Variants in KIF21A observed in about 807,000 individuals in gnomAD.
KIF21A encodes the protein kinesin-like protein KIF21A.
Under a neutral mutation model 202.9 loss-of-function variants are expected in KIF21A, and 114 were observed. The ratio of observed to expected loss-of-function variants is 0.56; its 90% CI spans 0.48 to 0.66. KIF21A has a LOEUF of 0.66. Among genes scored for constraint, KIF21A ranks in the 30% least tolerant of loss-of-function variants. The probability of loss-of-function intolerance (pLI) is 0.00; values close to 1 mark genes in which losing one functional copy is unlikely to be tolerated. For synonymous variants in KIF21A, 667 were observed against 670.8 expected, an observed-to-expected ratio of 0.99 and a Z score of 0.09; for missense variants, 1,677 against 1,994.9, an observed-to-expected ratio of 0.84 and a Z score of 3.04.
chr12:39,295,887 T>C (rs563969901), intron 37 of KIF21A, among the ~76,000 whole-genome samples: 1 of 151,328 alleles, frequency 6.6e-6, no homozygotes, highest in South Asian at 2.1e-4. Context: ...GCGTTTTTAG[T>C]AGAGATGGGG....
intron 16 of KIF21A, among the ~76,000 whole-genome samples, chr12:39,339,112 C>T (rs1947228702): frequency 6.6e-6 from 1 of 151,800 alleles, no homozygotes; most frequent in Non-Finnish European, 1.5e-5. Flanking sequence ...AACCCTGTCT[C>T]CACTAAAAAT....
At chr12:39,321,772 G>A (rs950130968) in intron 27 of KIF21A, 3 of 152,014 alleles carry the variant, frequency 2.0e-5, no homozygotes, top group Admixed American at 6.6e-5. Flanking sequence ...TGCCACTTTT[G>A]GGGGGGCAAT....
chr12:39,318,267 A>C lies in KIF21A; in HGVS notation c.3780-66T>G, dbSNP rs551798806. The C allele has an allele frequency of 3.4e-6, 5 of 1,486,060 alleles. No individual in the cohort carries two copies. In the African/African-American group the frequency reaches 4.2e-5, roughly 12 times the overall value. 92.1% of individuals were successfully genotyped at this position (1,486,060 alleles called of 1,614,324 possible). ...GTTATGATTTGTTAGAAAAGTTATA[A>C]GAAACATGCTCTTTTAAAAAAAAGC... On this transcript the variant is annotated intron_variant, in intron 28 of 37. Transcript: ENST00000361418.
At chr12:39,368,558 C>T (rs1483254929) in intron 3 of KIF21A, among the ~76,000 whole-genome samples, 1 of 152,068 alleles carries the variant, frequency 6.6e-6, no homozygotes, top group African/African-American at 2.4e-5. Context: ...AATATACACA[C>T]CTATTTTTCT....
chr12:39,306,305 C>T (rs1024011809), intron 34 of KIF21A, among the ~76,000 whole-genome samples: 1 of 152,170 alleles, frequency 6.6e-6, no homozygotes, highest in African/African-American at 2.4e-5. Flanking sequence ...GGTATCTTTT[C>T]TGCCTTGTGT....
chr12:39,326,789 C>G (rs1945974317), intron 24 of KIF21A, among the ~76,000 whole-genome samples: 1 of 152,148 alleles, frequency 6.6e-6, no homozygotes, highest in Non-Finnish European at 1.5e-5. Context: ...GAATATTTTT[C>G]CTTTTTTAAT....
chr12:39,324,309 G>A (rs1172616341), intron 26 of KIF21A, among the ~76,000 whole-genome samples: 1 of 152,124 alleles, frequency 6.6e-6, no homozygotes, highest in Non-Finnish European at 1.5e-5. Context: ...GTTCTTTCAG[G>A]AGATGACCTT....
chr12:39,400,483 A>G (rs1456153971), intron 1 of KIF21A, among the ~76,000 whole-genome samples: 1 of 150,786 alleles, frequency 6.6e-6, no homozygotes, highest in Non-Finnish European at 1.5e-5. Context: ...GTTCCCCTCC[A>G]TGTATCCATT....
In KIF21A at chr12:39,421,726, T is replaced by TAG. The variant is rs1480376765; in HGVS notation, c.44+21200_44+21201insCT. ...TAAATAAATAAATATATATAATTTA[T>TAG]ATATATATATATATATACACATACA... On this transcript the variant is annotated intron_variant, in intron 1 of 37. Transcript: ENST00000361418. Among the ~76,000 whole-genome samples, 293 of 111,072 alleles carry TAG rather than the reference T, an allele frequency of 2.6e-3. 4 individuals carry two copies. The highest frequency in any genetic ancestry group is 8.2e-3 in the African/African-American group (281 of 34,222). The allele number at this position is 111,072 out of a possible 152,430, so 72.9% of individuals were successfully genotyped here. A position where few individuals can be genotyped will look rare whatever the true frequency, so the allele number is the denominator to read the frequency against.
In KIF21A at chr12:39,307,697, C is replaced by G. The variant is rs200589960; in HGVS notation, c.4310G>C (p.Cys1437Ser). 43 of 1,613,934 alleles carry G rather than the reference C, an allele frequency of 2.7e-5. No homozygotes were observed. The highest frequency in any genetic ancestry group is 3.6e-5 in the Non-Finnish European group (43 of 1,179,970). The change falls in exon 34 of 38, where the codon TGT becomes TCT. Residue 1437 changes from cysteine to serine, a missense_variant. Physicochemically the swap from Cys to Ser is moderately radical, Grantham distance 112. Around this residue, in one of 3 missense-constraint regions of KIF21A, gnomAD observed 705 missense variants for 791.9 expected, o/e 0.89. Coordinates refer to ENST00000361418, the MANE Select transcript of KIF21A (RefSeq NM_001173464.2). ...SSGQVTLGDA[C>S]SASTSRTVAI... The stretch of plus-strand genomic sequence containing the variant: ...TACTGTTCGACTGGTACTTGCAGAA[C>G]AAGCATCTCCAAGAGTAACTTGACC...
intron 1 of KIF21A, among the ~76,000 whole-genome samples, chr12:39,399,050 C>T (rs895684105): frequency 6.6e-6 from 1 of 151,896 alleles, no homozygotes; most frequent in African/African-American, 2.4e-5. Flanking sequence ...ACAGAGAAAC[C>T]CCATCTCTAC....
At chr12:39,436,422 TTATATA>T (rs1199818833) in intron 1 of KIF21A, among the ~76,000 whole-genome samples, 1,402 of 99,110 alleles carry the variant, frequency 0.014, 57 homozygotes, top group Non-Finnish European at 0.021. Context: ...GTTTACTATA[TTATATA>T]TATATATATA....
At chr12:39,409,835 C>CT (rs755068673) in intron 1 of KIF21A, among the ~76,000 whole-genome samples, 322 of 134,798 alleles carry the variant, frequency 2.4e-3, no homozygotes, top group South Asian at 8.8e-3. Context: ...AAGAAGCTGG[C>CT]TTTTTTTTTT....
intron 24 of KIF21A, among the ~76,000 whole-genome samples, chr12:39,329,025 A>G (rs1317046405): frequency 6.6e-6 from 1 of 152,176 alleles, no homozygotes; most frequent in Non-Finnish European, 1.5e-5. Flanking sequence ...TCAGCATCTC[A>G]CTCATCTTTG....
rs1948809203 is a variant in KIF21A at position 39,356,825 on chromosome 12, A to C, written c.1469+7T>G. ...GTGCATTATATGTTACAGAACATGA[A>C]CTATACCTGAGATCTTCGATTTCTT... is the stretch of plus-strand genomic sequence containing the variant. On this transcript the variant is annotated splice_region_variant and intron_variant, in intron 10 of 37. Transcript: ENST00000361418. The C allele has an allele frequency of 2.7e-6, 3 of 1,124,878 alleles. No individual in the cohort carries two copies. Among genetic ancestry groups the C allele is most frequent in the Non-Finnish European group, 4.1e-6 (3 of 737,392 alleles). The allele number at this position is 1,124,878 out of a possible 1,614,324, so 69.7% of individuals were successfully genotyped here.
At chr12:39,341,982 G>C in intron 13 of KIF21A, 52 bp downstream of exon 13, 1 of 1,284,930 alleles carries the variant, frequency 7.8e-7, no homozygotes, top group Non-Finnish European at 1.1e-6. Flanking sequence ...CATCAACCAA[G>C]AACAACCAAA....
At chr12:39,331,589 C>T (rs775316308) in intron 22 of KIF21A, 101 bp downstream of exon 22, 69 of 807,492 alleles carry the variant, frequency 8.5e-5, no homozygotes, top group Non-Finnish European at 1.4e-4. Context: ...GAATAATCTT[C>T]TTCCTTATTA....
intron 32 of KIF21A, 63 bp from the exon 33 acceptor site, chr12:39,309,829 CAATAAA>C: frequency 7.6e-7 from 1 of 1,312,094 alleles, no homozygotes; most frequent in Non-Finnish European, 1.1e-6. Context: ...GTTCTCTTAA[CAATAAA>C]AATTATTTAA....
intron 1 of KIF21A, among the ~76,000 whole-genome samples, chr12:39,437,747 C>T (rs920616802): frequency 2.6e-5 from 4 of 152,128 alleles, no homozygotes; most frequent in Admixed American, 1.3e-4. Flanking sequence ...GGACAACATA[C>T]GTCACGTGTG....
Sources: gnomAD v4.1 joint callset for allele counts (sites outside exome capture counted in the v4.1 genomes callset) on GRCh38, gnomAD v4.1.1 for gene constraint, gnomAD v4.1.1 regional missense constraint, MANE v1.5 for transcripts, NCBI Gene and HGNC (gene_info 2026-07-23, HGNC 2026-07-21) for gene names.